The following OXR1 variants were observed in gnomAD, a reference collection of about 807,000 sequenced individuals.
The protein encoded by OXR1 is oxidation resistance 1, also known as oxidation resistance protein 1.
In OXR1, 41 loss-of-function variants were observed where a neutral mutation model predicts 104.6. The observed-to-expected ratio is 0.39, with a 90% CI of 0.31 to 0.51. The LOEUF is 0.51. Among genes scored for constraint, OXR1 ranks in the 20% least tolerant of loss-of-function variants. The pLI is 0.77. For synonymous variants in OXR1, 348 were observed against 348.4 expected (o/e 1.00, Z 0.01); for missense variants, 955 against 1,031.9 (o/e 0.93, Z 1.02).
At chr8:106,407,631 G>C (rs926510977) in intron 2 of OXR1, among the ~76,000 whole-genome samples, 4 of 152,122 alleles carry the variant, frequency 2.6e-5, no homozygotes, top group African/African-American at 9.7e-5. Flanking sequence ...GGCCAGTACT[G>C]TTATTTATTA....
intron 3 of OXR1, among the ~76,000 whole-genome samples, chr8:106,583,616 T>C (rs1195055069): frequency 6.6e-6 from 1 of 152,144 alleles, no homozygotes; most frequent in East Asian, 1.9e-4. Flanking sequence ...GTAACAGTGA[T>C]AAAATTTCGT....
At chr8:106,524,913 C>CA (rs1322964710) in intron 3 of OXR1, among the ~76,000 whole-genome samples, 1 of 152,178 alleles carries the variant, frequency 6.6e-6, no homozygotes, top group East Asian at 1.9e-4. Flanking sequence ...AAGACACCCT[C>CA]ACCATCCTCC....
intron 2 of OXR1, among the ~76,000 whole-genome samples, chr8:106,436,326 C>A (rs1563522240): frequency 6.6e-6 from 1 of 152,038 alleles, no homozygotes. Context: ...TTCAAATTTT[C>A]ACTTCTGGTA....
chr8:106,373,953 A>G (rs1816808356), intron 2 of OXR1, among the ~76,000 whole-genome samples: 1 of 152,246 alleles, frequency 6.6e-6, no homozygotes. Flanking sequence ...ATGTAATAGG[A>G]ATTACTTAAA....
intron 3 of OXR1, among the ~76,000 whole-genome samples, chr8:106,642,847 G>A (rs1362541240): frequency 1.3e-5 from 2 of 152,236 alleles, no homozygotes; most frequent in African/African-American, 4.8e-5. Context: ...GGGGAAAGCA[G>A]TGATCACTTG....
At chr8:106,330,308 G>A (rs1814657112) in intron 1 of OXR1, among the ~76,000 whole-genome samples, 1 of 152,158 alleles carries the variant, frequency 6.6e-6, no homozygotes, top group Admixed American at 6.5e-5. Context: ...GCTTCATGGT[G>A]GGGTAGTGCA....
rs1008855240 is a variant in OXR1, at chr8:106,684,112, T to C, written c.412-134T>C. On this transcript the variant is annotated intron_variant, in intron 5 of 16. Transcript: ENST00000517566. ...AAAGGTTCTTTTTTAAAAATGTTTT[T>C]ATATTCTTATAATTTGAAAATTTTT... 6 of 552,228 alleles carry C rather than the reference T, an allele frequency of 1.1e-5. 1 individual carries two copies. Among genetic ancestry groups the C allele is most frequent in the Non-Finnish European group, 1.9e-5 (6 of 311,226 alleles). 34.2% of individuals were successfully genotyped at this position (552,228 alleles called of 1,614,324 possible). A position where few individuals can be genotyped will look rare whatever the true frequency, so the allele number is the denominator to read the frequency against.
chr8:106,506,619 A>G (rs1486461791), intron 2 of OXR1, among the ~76,000 whole-genome samples: 5 of 152,094 alleles, frequency 3.3e-5, no homozygotes, highest in South Asian at 2.1e-4. Context: ...TCAAAAAGAA[A>G]AAAAGAGTCT....
At chr8:106,682,714 T>G (rs544859233) in intron 4 of OXR1, among the ~76,000 whole-genome samples, 1 of 152,184 alleles carries the variant, frequency 6.6e-6, no homozygotes, top group Non-Finnish European at 1.5e-5. Flanking sequence ...GTACGAATGA[T>G]TCAGAACTAA....
At position 106,381,991 on chromosome 8, in the gene OXR1, A is replaced by G. The variant is rs73698962; in HGVS notation, c.23+22355A>G. Among the ~76,000 whole-genome samples the G allele has an allele frequency of 4.2e-3, 640 of 152,322 alleles. 7 individuals are homozygous for G. The highest frequency in any genetic ancestry group is 0.014 in the African/African-American group (571 of 41,576). ...TCTAAACATTTCTTTCTAAATTATG[A>G]GCATCCATCAGATGATATTCCTTTT... On this transcript the variant is annotated intron_variant, in intron 2 of 16. Coordinates refer to ENST00000517566, the MANE Select transcript of OXR1 (RefSeq NM_001198533.2).
rs183896113 is a variant in OXR1 at position 106,343,289 on chromosome 8, T to A, written c.-138-16187T>A. On this transcript the variant is annotated intron_variant, in intron 1 of 16. Transcript: ENST00000517566. ...GCTCTTCACAGCCTCTGGGATAATG[T>A]CTTTATTATATAATACTTTGTCATT... 3.5e-3 allele frequency among the ~76,000 whole-genome samples: 534 copies of A among 152,340 alleles called. 2 individuals carry two copies. The highest frequency in any genetic ancestry group is 0.012 in the African/African-American group (501 of 41,580).
intron 2 of OXR1, among the ~76,000 whole-genome samples, chr8:106,475,970 C>T (rs1821786848): frequency 6.6e-6 from 1 of 151,908 alleles, no homozygotes; most frequent in Non-Finnish European, 1.5e-5. Context: ...TGTGCACACC[C>T]TCTGAACACA....
rs901663899 is a variant in OXR1, at chr8:106,291,379, C to A, written c.-139+21012C>A. ...GCAACACACCCATGTAGCAAACTTG[C>A]ATTTGTACTCCAGTACCTAAAATAA... On this transcript the variant is annotated intron_variant, in intron 1 of 16. Transcript: ENST00000517566. 3.9e-5 allele frequency among the ~76,000 whole-genome samples: 6 copies of A among 152,132 alleles called. No homozygotes were observed. The South Asian group carries it at 1.2e-3, about 31-fold the overall frequency.
chr8:106,584,925 G>C (rs1039628867), intron 3 of OXR1, among the ~76,000 whole-genome samples: 2 of 152,108 alleles, frequency 1.3e-5, no homozygotes, highest in African/African-American at 4.8e-5. Flanking sequence ...GGTGGGATTG[G>C]GGGGATTGCT....
intron 2 of OXR1, among the ~76,000 whole-genome samples, chr8:106,404,951 C>T (rs751161952): frequency 2.0e-5 from 3 of 151,862 alleles, no homozygotes; most frequent in African/African-American, 4.8e-5. Context: ...GGGATCCACC[C>T]GCGTCAGCCT....
At chr8:106,350,590 A>G (rs1815682213) in intron 1 of OXR1, among the ~76,000 whole-genome samples, 1 of 152,224 alleles carries the variant, frequency 6.6e-6, no homozygotes, top group South Asian at 2.1e-4. Flanking sequence ...GAGGACACAT[A>G]AAACTGCATT....
In OXR1 at chr8:106,568,284, C is replaced by T. The variant is rs528005667; in HGVS notation, c.220+49145C>T. ...GGAGAACACGTACCTCATGGGATTA[C>T]GATAAATAAACAAGGAAGTATTTAA... is the stretch of plus-strand genomic sequence containing the variant. On this transcript the variant is annotated intron_variant, in intron 3 of 16. Transcript: ENST00000517566. Among the ~76,000 whole-genome samples the T allele has an allele frequency of 7.9e-5, 12 of 152,198 alleles. No homozygotes were observed. The South Asian group carries it at 1.2e-3, about 16-fold the overall frequency.
At chr8:106,321,275 G>A (rs554498848) in intron 1 of OXR1, among the ~76,000 whole-genome samples, 58 of 152,304 alleles carry the variant, frequency 3.8e-4, no homozygotes, top group African/African-American at 1.4e-3. Flanking sequence ...AATGTTTTCA[G>A]TTGACTATGT....
intron 3 of OXR1, among the ~76,000 whole-genome samples, chr8:106,589,600 T>C (rs1202206312): frequency 1.3e-5 from 2 of 152,140 alleles, no homozygotes; most frequent in African/African-American, 4.8e-5. Flanking sequence ...GCACCCAATG[T>C]AGAAAACGCT....
Sources: allele counts gnomAD v4.1 joint callset (sites outside exome capture counted in the v4.1 genomes callset), GRCh38; gene constraint gnomAD v4.1.1; transcripts MANE v1.5; gene names NCBI Gene and HGNC (gene_info 2026-07-23, HGNC 2026-07-21).